Variants in SEL1L2 observed in about 807,000 individuals in gnomAD.
The protein encoded by SEL1L2 is SEL1L2 adaptor subunit of SYVN1 ubiquitin ligase.
SEL1L2 carries 89 observed loss-of-function variants against 98.8 expected under a neutral mutation model. The observed-to-expected ratio is 0.90, with a 90% CI of 0.76 to 1.07. The LOEUF (loss-of-function observed/expected upper bound fraction) is 1.07, where lower values mean the gene tolerates loss of function less well. Ranked by LOEUF, SEL1L2 falls within the 50% of genes least tolerant of loss-of-function variation. The pLI, the probability that SEL1L2 is intolerant of heterozygous loss-of-function variation, is 0.00. For missense variants in SEL1L2, 788 were observed against 812.0 expected, an observed-to-expected ratio of 0.97 and a Z score of 0.36; for synonymous variants, 262 against 278.5, an observed-to-expected ratio of 0.94 and a Z score of 0.59.
intron 8 of SEL1L2, among the ~76,000 whole-genome samples, chr20:13,887,553 C>G (rs1157991846): frequency 6.6e-6 from 1 of 151,572 alleles, no homozygotes; most frequent in Non-Finnish European, 1.5e-5. Flanking sequence ...TACATATTAA[C>G]AAAAATAAAA....
intron 8 of SEL1L2, among the ~76,000 whole-genome samples, chr20:13,886,769 T>C (rs1465469461): frequency 6.6e-6 from 1 of 151,578 alleles, no homozygotes; most frequent in Non-Finnish European, 1.5e-5. Context: ...ACACCTGTAA[T>C]CCCAGATACC....
At chr20:13,927,406 T>G (rs989236399) in intron 3 of SEL1L2, among the ~76,000 whole-genome samples, 25 of 152,196 alleles carry the variant, frequency 1.6e-4, no homozygotes, top group African/African-American at 5.1e-4. Context: ...AAATGCTACT[T>G]GTTATATGTG....
intron 2 of SEL1L2, among the ~76,000 whole-genome samples, chr20:13,933,571 T>TTTATGACTGAGTAG (rs2049256048): frequency 6.6e-6 from 1 of 152,164 alleles, no homozygotes. Flanking sequence ...GTTTTCAGGG[T>TTTATGACTGAGTAG]TAATCCATGT....
chr20:13,938,875 T>C (rs1019515896), intron 2 of SEL1L2, among the ~76,000 whole-genome samples: 1 of 152,104 alleles, frequency 6.6e-6, no homozygotes, highest in Non-Finnish European at 1.5e-5. Flanking sequence ...AATACATTTT[T>C]CTGTTTTTCT....
chr20:13,876,930 T>C (rs1171700394), intron 11 of SEL1L2, among the ~76,000 whole-genome samples: 5 of 152,198 alleles, frequency 3.3e-5, no homozygotes, highest in African/African-American at 1.2e-4. Context: ...TTCAAGTGAT[T>C]CTCCTGCCTC....
At chr20:13,961,874 A>T (rs927983274) in intron 1 of SEL1L2, among the ~76,000 whole-genome samples, 2 of 152,184 alleles carry the variant, frequency 1.3e-5, no homozygotes, top group Non-Finnish European at 2.9e-5. Flanking sequence ...TGGACCAGTG[A>T]CTAGTATATC....
At chr20:13,932,736 T>C (rs2049208611) in intron 2 of SEL1L2, among the ~76,000 whole-genome samples, 1 of 152,144 alleles carries the variant, frequency 6.6e-6, no homozygotes, top group Non-Finnish European at 1.5e-5. Context: ...CGGCCCTTTT[T>C]GTGAATTACT....
intron 14 of SEL1L2, among the ~76,000 whole-genome samples, chr20:13,867,061 G>A (rs964106680): frequency 6.6e-6 from 1 of 151,886 alleles, no homozygotes; most frequent in Non-Finnish European, 1.5e-5. Context: ...ATATTCTTGA[G>A]CCATTCTGAA....
chr20:13,945,846 T>C (rs1056812937), intron 2 of SEL1L2, among the ~76,000 whole-genome samples: 3 of 152,148 alleles, frequency 2.0e-5, no homozygotes, highest in African/African-American at 7.2e-5. Context: ...CACATGATTA[T>C]CTAAATTGAT....
rs144508342 is a variant in SEL1L2, at chr20:13,979,245, A to G, written c.58+11232T>C. Among the ~76,000 whole-genome samples the G allele has an allele frequency of 3.9e-5, 6 of 152,300 alleles. No homozygotes were observed. The East Asian group carries it at 1.2e-3, about 29-fold the overall frequency. On this transcript the variant is annotated intron_variant, in intron 1 of 19. Coordinates refer to ENST00000284951, the MANE Select transcript of SEL1L2 (RefSeq NM_025229.2). Reference sequence around the variant, plus strand: ...GACAGAGTAGAATTGTGGTTATTAGATAATAGGAAGGATGGGAAGAGAGGA... The same window carrying G: ...GACAGAGTAGAATTGTGGTTATTAGGTAATAGGAAGGATGGGAAGAGAGGA...
chr20:13,989,886 C>G (rs2052457040), intron 1 of SEL1L2, among the ~76,000 whole-genome samples: 1 of 151,922 alleles, frequency 6.6e-6, no homozygotes, highest in Non-Finnish European at 1.5e-5. Flanking sequence ...AACCACTAGA[C>G]AAGCAGGGAC....
intron 1 of SEL1L2, 64 bp downstream of exon 1, chr20:13,990,400 ATTGGCTTCTGCCC>A: frequency 1.0e-6 from 1 of 976,572 alleles, no homozygotes; most frequent in Non-Finnish European, 1.6e-6. Context: ...TAGTCTTTTA[ATTGGCTTCTGCCC>A]TTGGCGCTGT....
At chr20:13,888,402 C>T in intron 6 of SEL1L2, 57 bp downstream of exon 6, 2 of 1,145,280 alleles carry the variant, frequency 1.7e-6, no homozygotes, top group Non-Finnish European at 2.6e-6. Flanking sequence ...AGATTTTATT[C>T]AATGTCCCTT....
Position 13,887,850 on chromosome 20 carries a change from C to G in SEL1L2, c.664G>C (p.Gly222Arg). 5 of 1,612,386 alleles carry G rather than the reference C, an allele frequency of 3.1e-6. No individual in the cohort carries two copies. The highest frequency in any genetic ancestry group is 4.2e-6 in the Non-Finnish European group (5 of 1,178,684). ...TTGATTCCCGACAAATATCTGTACCCCTAAAACACAGACAGATGCATTCTT... is the reference window on the plus strand; with the variant it reads ...TTGATTCCCGACAAATATCTGTACCGCTAAAACACAGACAGATGCATTCTT... ...GGNMMSQMIL[G>R]YRYLSGINVL... The change falls in exon 8 of 20, where the codon GGG (glycine) becomes CGG (arginine). Residue 222 changes from glycine to arginine, a missense_variant and splice_region_variant. Gly to Arg is a moderately radical substitution (Grantham distance 125, BLOSUM62 -2). Coordinates refer to ENST00000284951, the MANE Select transcript of SEL1L2 (RefSeq NM_025229.2).
chr20:13,922,545 T>C (rs2048712035), intron 3 of SEL1L2, among the ~76,000 whole-genome samples: 1 of 152,214 alleles, frequency 6.6e-6, no homozygotes, highest in Admixed American at 6.5e-5. Context: ...TGGTTTATAT[T>C]AAGCACAATT....
At chr20:13,987,644 G>A (rs548329844) in intron 1 of SEL1L2, among the ~76,000 whole-genome samples, 10 of 152,084 alleles carry the variant, frequency 6.6e-5, no homozygotes, top group Admixed American at 2.0e-4. Context: ...CACTGCGCCC[G>A]GCCGATAATT....
chr20:13,914,513 T>C (rs1421409252), intron 4 of SEL1L2, among the ~76,000 whole-genome samples: 1 of 152,184 alleles, frequency 6.6e-6, no homozygotes, highest in African/African-American at 2.4e-5. Context: ...CCTTAATGGC[T>C]AGGGCTCTAG....
At chr20:13,975,794 TG>T (rs918990429) in intron 1 of SEL1L2, among the ~76,000 whole-genome samples, 5 of 152,194 alleles carry the variant, frequency 3.3e-5, no homozygotes, top group African/African-American at 1.2e-4. Flanking sequence ...GAGACTTTGA[TG>T]CATAGGACAA....
chr20:13,986,728 TTC>T (rs1357324095), intron 1 of SEL1L2, among the ~76,000 whole-genome samples: 2 of 152,254 alleles, frequency 1.3e-5, no homozygotes, highest in Non-Finnish European at 1.5e-5. Context: ...GTGTACAAAT[TTC>T]TGTGTGAATA....
Sources: allele counts gnomAD v4.1 joint callset (sites outside exome capture counted in the v4.1 genomes callset), GRCh38; gene constraint gnomAD v4.1.1; transcripts MANE v1.5; gene names NCBI Gene and HGNC (gene_info 2026-07-23, HGNC 2026-07-21).